Variants in SEMA5A observed in about 807,000 individuals in gnomAD.
SEMA5A encodes the protein semaphorin 5A.
Under a neutral mutation model 135.5 loss-of-function variants are expected in SEMA5A, and 55 were observed. The ratio of observed to expected loss-of-function variants is 0.41; its 90% CI spans 0.33 to 0.51. The LOEUF (loss-of-function observed/expected upper bound fraction) is 0.51. Ranked by LOEUF, SEMA5A falls within the 20% of genes least tolerant of loss-of-function variation. The pLI is 0.37. For missense variants in SEMA5A, 1,290 were observed against 1,419.9 expected (o/e 0.91, Z 1.47); for synonymous variants, 580 against 546.5 (o/e 1.06, Z -0.85).
chr5:9,054,028 C>T (rs1016016672), intron 19 of SEMA5A, 59 bp downstream of exon 19: 2 of 1,528,560 alleles, frequency 1.3e-6, no homozygotes, highest in Non-Finnish European at 1.8e-6. Flanking sequence ...CACCATTTAT[C>T]CATTAAGGAA....
At chr5:9,287,923 T>C (rs1279243896) in intron 5 of SEMA5A, among the ~76,000 whole-genome samples, 1 of 150,114 alleles carries the variant, frequency 6.7e-6, no homozygotes, top group Non-Finnish European at 1.5e-5. Flanking sequence ...CCAAACTCAA[T>C]AGATTCTGAA....
chr5:9,430,793 A>G (rs1188943192), intron 2 of SEMA5A, among the ~76,000 whole-genome samples: 2 of 152,168 alleles, frequency 1.3e-5, no homozygotes, highest in Non-Finnish European at 2.9e-5. Context: ...AAAAGGCAGA[A>G]ATGGAGGACA....
At chr5:9,212,808 C>T (rs1452674981) in intron 8 of SEMA5A, among the ~76,000 whole-genome samples, 1 of 152,162 alleles carries the variant, frequency 6.6e-6, no homozygotes, top group Non-Finnish European at 1.5e-5. Flanking sequence ...AGCAGGCTTC[C>T]ACAGAGCCCC....
At chr5:9,274,720 C>T (rs1750164115) in intron 5 of SEMA5A, among the ~76,000 whole-genome samples, 1 of 152,116 alleles carries the variant, frequency 6.6e-6, no homozygotes, top group Non-Finnish European at 1.5e-5. Context: ...ACAACCTGCT[C>T]CTGAATGACC....
chr5:9,225,390 A>AAT (rs1491327446), intron 7 of SEMA5A, among the ~76,000 whole-genome samples: 61 of 5,300 alleles, frequency 0.012, no homozygotes, highest in African/African-American at 0.02. Context: ...CATCTCTACT[A>AAT]AAAAAAAAAA....
At chr5:9,108,672 T>C (rs137989233) in intron 15 of SEMA5A, among the ~76,000 whole-genome samples, 4 of 152,310 alleles carry the variant, frequency 2.6e-5, no homozygotes, top group South Asian at 2.1e-4. Context: ...AGATTACAGA[T>C]ACAAAGTCAG....
chr5:9,227,100 T>C, intron 6 of SEMA5A, 133 bp from the exon 7 acceptor site: 1 of 362,244 alleles, frequency 2.8e-6, no homozygotes, highest in Non-Finnish European at 4.6e-6. Context: ...AAGCCATTAA[T>C]AAAATGTAAA....
intron 16 of SEMA5A, among the ~76,000 whole-genome samples, chr5:9,087,051 A>G (rs1738736632): frequency 6.6e-6 from 1 of 152,198 alleles, no homozygotes; most frequent in South Asian, 2.1e-4. Flanking sequence ...ACAATCTGAA[A>G]GATAGACGAC....
intron 12 of SEMA5A, among the ~76,000 whole-genome samples, chr5:9,150,239 C>A (rs569005264): frequency 6.6e-6 from 1 of 152,210 alleles, no homozygotes; most frequent in Non-Finnish European, 1.5e-5. Flanking sequence ...CCCTGTTACT[C>A]ATGGTACTCA....
chr5:9,163,630 T>G (rs926720912), intron 11 of SEMA5A, among the ~76,000 whole-genome samples: 1 of 152,202 alleles, frequency 6.6e-6, no homozygotes, highest in African/African-American at 2.4e-5. Context: ...AAAAGTCATA[T>G]GTTTAAGTCC....
At chr5:9,154,093 A>ATATATATGTGTGTG (rs372321939) in intron 12 of SEMA5A, among the ~76,000 whole-genome samples, 1 of 73,512 alleles carries the variant, frequency 1.4e-5, no homozygotes, top group African/African-American at 5.6e-5. Flanking sequence ...ATATATATAT[A>ATATATATGTGTGTG]TGTGTGTGTG....
chr5:9,272,422 G>C (rs1750025552), intron 5 of SEMA5A, among the ~76,000 whole-genome samples: 1 of 152,150 alleles, frequency 6.6e-6, no homozygotes, highest in Non-Finnish European at 1.5e-5. Context: ...GGAAGGGGAG[G>C]TTTTTGGCAG....
intron 3 of SEMA5A, among the ~76,000 whole-genome samples, chr5:9,361,102 C>A (rs1239294530): frequency 1.3e-5 from 2 of 152,150 alleles, no homozygotes; most frequent in African/African-American, 4.8e-5. Flanking sequence ...AGTTCGAGAC[C>A]AGCCTGGCCA....
rs1561023325 is a variant in SEMA5A, at chr5:9,208,462, A to G, written c.647-6222T>C. On this transcript the variant is annotated intron_variant, in intron 8 of 22. Transcript: ENST00000382496. Reference sequence around the variant, plus strand: ...CCCTCAAGAGCAGTGTGAGGAGACAAACAAGACAGATCAACAAGTGCTTAC... The same window carrying G: ...CCCTCAAGAGCAGTGTGAGGAGACAGACAAGACAGATCAACAAGTGCTTAC... Among the ~76,000 whole-genome samples the G allele has an allele frequency of 3.9e-5, 6 of 152,294 alleles. No homozygotes were observed. In the South Asian group the frequency reaches 6.2e-4, roughly 16 times the overall value.
intron 1 of SEMA5A, among the ~76,000 whole-genome samples, chr5:9,492,052 CA>C (rs1252843120): frequency 6.6e-6 from 1 of 152,190 alleles, no homozygotes; most frequent in East Asian, 1.9e-4. Flanking sequence ...TTCCTTCACC[CA>C]AAAGCTATTT....
At chr5:9,421,901 T>C (rs1757483221) in intron 2 of SEMA5A, among the ~76,000 whole-genome samples, 1 of 152,240 alleles carries the variant, frequency 6.6e-6, no homozygotes, top group Non-Finnish European at 1.5e-5. Context: ...ATATTAGAAA[T>C]ACCAACCTTA....
chr5:9,331,704 CT>C (rs1171217105), intron 4 of SEMA5A, among the ~76,000 whole-genome samples: 1 of 152,222 alleles, frequency 6.6e-6, no homozygotes, highest in African/African-American at 2.4e-5. Context: ...TGCTGGAAGT[CT>C]GGTGATGCTT....
rs141782537 is a variant in SEMA5A, at chr5:9,076,335, T to C, written c.2074-9689A>G. Among the ~76,000 whole-genome samples, 320 of 152,234 alleles carry C rather than the reference T, an allele frequency of 2.1e-3. 1 individual carries two copies. The highest frequency in any genetic ancestry group is 3.4e-3 in the Middle Eastern group (1 of 294). Reference sequence around the variant, plus strand: ...CACAAATATCACATGTTTTCACTTATATGCCAGAGCCAAAAAAAGTTGATC... The same window carrying C: ...CACAAATATCACATGTTTTCACTTACATGCCAGAGCCAAAAAAAGTTGATC... On this transcript the variant is annotated intron_variant, in intron 16 of 22. Transcript: ENST00000382496.
intron 13 of SEMA5A, among the ~76,000 whole-genome samples, chr5:9,128,124 T>A (rs182301854): frequency 2.6e-5 from 4 of 152,302 alleles, no homozygotes; most frequent in African/African-American, 7.2e-5. Context: ...GCATTCATTA[T>A]GGGAATTATT....
Sources: gnomAD v4.1 joint callset for allele counts (sites outside exome capture counted in the v4.1 genomes callset) on GRCh38, gnomAD v4.1.1 for gene constraint, MANE v1.5 for transcripts, NCBI Gene and HGNC (gene_info 2026-07-23, HGNC 2026-07-21) for gene names.